The following ACOXL variants were observed in gnomAD, a reference collection of about 807,000 sequenced individuals.
The protein encoded by ACOXL is acyl-coenzyme A oxidase-like protein.
ACOXL carries 70 observed loss-of-function variants against 71.9 expected under a neutral mutation model. That is an observed-to-expected ratio of 0.97 (90% confidence interval 0.80 to 1.19). ACOXL has a LOEUF of 1.19. Among genes scored for constraint, ACOXL ranks in the 50% most tolerant of loss-of-function variants. ACOXL has a pLI of 0.00. For missense variants in ACOXL, 703 were observed against 736.3 expected (o/e 0.95, Z 0.52); for synonymous variants, 253 against 281.6 (o/e 0.90, Z 1.02).
chr2:110,906,535 C>T (rs1462743462), intron 10 of ACOXL, among the ~76,000 whole-genome samples: 1 of 81,930 alleles, frequency 1.2e-5, no homozygotes, highest in Admixed American at 1.6e-4. Context: ...AAGACTCTGT[C>T]TCAAAAAAAA....
intron 16 of ACOXL, among the ~76,000 whole-genome samples, chr2:111,053,267 G>C (rs36091399): frequency 1.3e-5 from 2 of 152,130 alleles, no homozygotes; most frequent in South Asian, 2.1e-4. Flanking sequence ...AAGTGAACTT[G>C]CTTGGAGCCC....
intron 10 of ACOXL, among the ~76,000 whole-genome samples, chr2:110,902,352 C>T (rs2059273277): frequency 6.6e-6 from 1 of 152,122 alleles, no homozygotes. Context: ...GGCCTGTAGT[C>T]CCAACTGCTC....
intron 12 of ACOXL, among the ~76,000 whole-genome samples, chr2:110,956,359 A>G (rs979582193): frequency 3.9e-5 from 6 of 152,166 alleles, no homozygotes; most frequent in Admixed American, 1.3e-4. Flanking sequence ...GGATCCATGA[A>G]GGAACTCTTT....
At chr2:110,818,423 ATGTGTG>A (rs766770172) in intron 9 of ACOXL, among the ~76,000 whole-genome samples, 7 of 137,690 alleles carry the variant, frequency 5.1e-5, no homozygotes, top group East Asian at 2.1e-4. Context: ...ATATATATAT[ATGTGTG>A]TGTGTGTGTG....
At chr2:110,987,681 AT>A (rs1558831268) in intron 13 of ACOXL, among the ~76,000 whole-genome samples, 1 of 152,186 alleles carries the variant, frequency 6.6e-6, no homozygotes, top group Non-Finnish European at 1.5e-5. Flanking sequence ...ATAAAGCATA[AT>A]ATATGTAACA....
intron 1 of ACOXL, among the ~76,000 whole-genome samples, chr2:110,760,789 T>G (rs2104904744): frequency 6.6e-6 from 1 of 152,372 alleles, no homozygotes; most frequent in Middle Eastern, 3.4e-3. Flanking sequence ...ATGATACTTT[T>G]TTTTTCATTA....
chr2:111,072,059 C>T (rs932333917), intron 16 of ACOXL, among the ~76,000 whole-genome samples: 2 of 152,212 alleles, frequency 1.3e-5, no homozygotes, highest in Non-Finnish European at 2.9e-5. Context: ...ACAGGGAGAT[C>T]CTTGGACAAG....
chr2:110,799,061 T>A lies in ACOXL; in HGVS notation c.508T>A (p.Tyr170Asn). 1 of 1,613,924 alleles carries A rather than the reference T, an allele frequency of 6.2e-7. No individual in the cohort carries two copies. Among genetic ancestry groups the A allele is most frequent in the Non-Finnish European group, 8.5e-7 (1 of 1,179,886 alleles). Residue 170 changes from tyrosine to asparagine, a missense_variant, in exon 7 of 18, where the codon TAC (tyrosine) becomes AAC (asparagine). Transcript: ENST00000439055. ...VPVRDENGSL[Y>N]PGVTAIDMMY... ...TGTCCGGGATGAAAACGGAAGCTTG[T>A]ACCCAGGAGTCACAGCTATTGATAT...
intron 12 of ACOXL, among the ~76,000 whole-genome samples, chr2:110,937,752 A>G (rs976809796): frequency 1.3e-5 from 2 of 152,178 alleles, no homozygotes; most frequent in African/African-American, 4.8e-5. Flanking sequence ...TCAAAAAAAT[A>G]TATTTCAACA....
intron 12 of ACOXL, among the ~76,000 whole-genome samples, chr2:110,964,226 C>G (rs1268610158): frequency 6.6e-6 from 1 of 152,116 alleles, no homozygotes; most frequent in East Asian, 1.9e-4. Flanking sequence ...TTTAAGATAA[C>G]AGCCTGAAAT....
chr2:111,064,012 G>C (rs1296279588), intron 16 of ACOXL, among the ~76,000 whole-genome samples: 1 of 152,194 alleles, frequency 6.6e-6, no homozygotes, highest in African/African-American at 2.4e-5. Flanking sequence ...ACTCAGCAAG[G>C]TTGCAGATAC....
In ACOXL at chr2:111,118,246, T is replaced by G; in HGVS notation, c.*430T>G. 5.2e-6 allele frequency: 1 copy of G among 193,422 alleles called. No individual in the cohort carries two copies. The highest frequency in any genetic ancestry group is 1.2e-4 in the South Asian group (1 of 8,524). The allele number at this position is 193,422 out of a possible 1,614,324, so 12.0% of individuals were successfully genotyped here. On this transcript the variant is annotated 3_prime_UTR_variant, in exon 18 of 18. Transcript: ENST00000439055. ...AGAAAAAAAAAAAAGCAAACACCCT[T>G]AGACAAAAGAAAAAAGCTCCACTCT...
At chr2:110,760,395 C>G (rs1680246517) in intron 1 of ACOXL, among the ~76,000 whole-genome samples, 1 of 152,224 alleles carries the variant, frequency 6.6e-6, no homozygotes, top group Non-Finnish European at 1.5e-5. Context: ...CCGCCCGCCT[C>G]AGCCTCCCAA....
At chr2:110,752,023 C>CT (rs60152579) in intron 1 of ACOXL, among the ~76,000 whole-genome samples, 235 of 141,784 alleles carry the variant, frequency 1.7e-3, no homozygotes, top group East Asian at 6.5e-3. Flanking sequence ...CTTTCTTCTT[C>CT]TTTTTTTTTT....
intron 12 of ACOXL, among the ~76,000 whole-genome samples, chr2:110,942,687 A>T (rs2060909375): frequency 6.6e-6 from 1 of 151,514 alleles, no homozygotes; most frequent in Non-Finnish European, 1.5e-5. Context: ...GGAGTTCAAG[A>T]GTTCAAGACC....
intron 12 of ACOXL, chr2:110,967,732 A>G (rs1394743675): frequency 2.0e-6 from 1 of 505,802 alleles, no homozygotes; most frequent in Non-Finnish European, 3.6e-6. Context: ...TAACACAACT[A>G]CTAGACAGCA....
At chr2:110,998,878 C>T (rs889652828) in intron 14 of ACOXL, among the ~76,000 whole-genome samples, 2 of 152,200 alleles carry the variant, frequency 1.3e-5, no homozygotes, top group African/African-American at 4.8e-5. Context: ...GATTAGATTA[C>T]ACATTGTGTA....
intron 10 of ACOXL, among the ~76,000 whole-genome samples, chr2:110,844,059 T>C (rs1213721236): frequency 6.6e-6 from 1 of 152,146 alleles, no homozygotes; most frequent in Non-Finnish European, 1.5e-5. Context: ...GTGTCATCTG[T>C]AGAGGAGTCT....
At chr2:110,875,468 G>C (rs1353282591) in intron 10 of ACOXL, among the ~76,000 whole-genome samples, 1 of 152,138 alleles carries the variant, frequency 6.6e-6, no homozygotes, top group Non-Finnish European at 1.5e-5. Flanking sequence ...GGTGTGGAGC[G>C]TGGAGCCCCA....
Sources: gnomAD v4.1 joint callset for allele counts (sites outside exome capture counted in the v4.1 genomes callset) on GRCh38, gnomAD v4.1.1 for gene constraint, MANE v1.5 for transcripts, NCBI Gene and HGNC (gene_info 2026-07-23, HGNC 2026-07-21) for gene names.